The following POU2F1 variants were observed in gnomAD, a reference collection of about 807,000 sequenced individuals.
POU2F1 encodes POU domain, class 2, transcription factor 1.
POU2F1 carries 16 observed loss-of-function variants against 84.9 expected under a neutral mutation model. The observed-to-expected ratio is 0.19, with a 90% confidence interval of 0.13 to 0.29. The LOEUF (loss-of-function observed/expected upper bound fraction) is 0.29. Ranked by LOEUF, POU2F1 falls within the 10% of genes least tolerant of loss-of-function variation. POU2F1 has a pLI of 1.00. For missense variants in POU2F1, 738 were observed against 942.6 expected, an observed-to-expected ratio of 0.78 and a Z score of 2.84; for synonymous variants, 368 against 368.3, an observed-to-expected ratio of 1.00 and a Z score of 0.01.
chr1:167,305,946 ATTC>A (rs1655033272), intron 1 of POU2F1, among the ~76,000 whole-genome samples: 1 of 152,198 alleles, frequency 6.6e-6, no homozygotes, highest in Admixed American at 6.5e-5. Context: ...GTTCACATGT[ATTC>A]TTTTATTTTT....
chr1:167,290,662 T>C (rs1379370104), intron 1 of POU2F1, among the ~76,000 whole-genome samples: 2 of 152,230 alleles, frequency 1.3e-5, no homozygotes, highest in Non-Finnish European at 2.9e-5. Context: ...TGAGTGAATG[T>C]GTGAACATTT....
intron 1 of POU2F1, among the ~76,000 whole-genome samples, chr1:167,254,762 C>T (rs1651009681): frequency 1.3e-5 from 2 of 152,100 alleles, no homozygotes; most frequent in African/African-American, 4.8e-5. Flanking sequence ...ATCCCTCTAC[C>T]CCAGTGTCTT....
intron 1 of POU2F1, among the ~76,000 whole-genome samples, chr1:167,225,898 A>G (rs1648596767): frequency 6.6e-6 from 1 of 152,236 alleles, no homozygotes; most frequent in African/African-American, 2.4e-5. Flanking sequence ...ACCATTAAAA[A>G]TAATGTTGTG....
At chr1:167,281,476 A>G (rs1319628420) in intron 1 of POU2F1, among the ~76,000 whole-genome samples, 6 of 152,242 alleles carry the variant, frequency 3.9e-5, no homozygotes, top group South Asian at 2.1e-4. Flanking sequence ...CCTCCCAGCC[A>G]TAGTAGGCTC....
At chr1:167,324,856 C>T (rs969335887) in intron 1 of POU2F1, among the ~76,000 whole-genome samples, 5 of 152,072 alleles carry the variant, frequency 3.3e-5, no homozygotes, top group African/African-American at 1.2e-4. Flanking sequence ...ATAGACATTC[C>T]GTTAAGTTAT....
intron 1 of POU2F1, among the ~76,000 whole-genome samples, chr1:167,321,850 G>C (rs796161270): frequency 6.6e-5 from 10 of 152,190 alleles, no homozygotes; most frequent in African/African-American, 2.4e-4. Flanking sequence ...GACTTTGAGG[G>C]CTATATAATT....
chr1:167,307,549 T>C (rs1476537518), intron 1 of POU2F1, among the ~76,000 whole-genome samples: 2 of 151,724 alleles, frequency 1.3e-5, no homozygotes, highest in Non-Finnish European at 2.9e-5. Context: ...AATTTCAAAA[T>C]AATTTGAGAG....
At chr1:167,325,474 T>G (rs1375669418) in intron 1 of POU2F1, among the ~76,000 whole-genome samples, 1 of 152,212 alleles carries the variant, frequency 6.6e-6, no homozygotes, top group Non-Finnish European at 1.5e-5. Context: ...CGATCTCAGT[T>G]CACTCTCACA....
chr1:167,326,820 C>A (rs1413392895), intron 1 of POU2F1, among the ~76,000 whole-genome samples: 1 of 152,040 alleles, frequency 6.6e-6, no homozygotes, highest in Non-Finnish European at 1.5e-5. Context: ...TGCAAGTCAT[C>A]CTTAGCTAAT....
chr1:167,373,012 G>T (rs1660107456), intron 5 of POU2F1, among the ~76,000 whole-genome samples: 1 of 151,586 alleles, frequency 6.6e-6, no homozygotes, highest in Admixed American at 6.6e-5. Flanking sequence ...TTGCAAAATT[G>T]TTCACAAAAT....
At chr1:167,262,437 T>C (rs1393814932) in intron 1 of POU2F1, among the ~76,000 whole-genome samples, 1 of 152,230 alleles carries the variant, frequency 6.6e-6, no homozygotes, top group Non-Finnish European at 1.5e-5. Flanking sequence ...ATTTATTCAG[T>C]GTACTTTGTT....
At chr1:167,282,090 C>T (rs894956409) in intron 1 of POU2F1, among the ~76,000 whole-genome samples, 1 of 151,872 alleles carries the variant, frequency 6.6e-6, no homozygotes, top group South Asian at 2.1e-4. Flanking sequence ...TTCATACTTA[C>T]TCCCTCAAAT....
intron 1 of POU2F1, among the ~76,000 whole-genome samples, chr1:167,266,782 C>G (rs1651992258): frequency 6.6e-6 from 1 of 152,078 alleles, no homozygotes; most frequent in African/African-American, 2.4e-5. Flanking sequence ...TGCCACCACA[C>G]CCAGCTAATG....
At chr1:167,281,663 T>C (rs193140183) in intron 1 of POU2F1, among the ~76,000 whole-genome samples, 1 of 152,230 alleles carries the variant, frequency 6.6e-6, no homozygotes, top group African/African-American at 2.4e-5. Context: ...ACTCGGTGAT[T>C]GGCGTAGGTG....
chr1:167,322,107 T>C (rs914570911), intron 1 of POU2F1, among the ~76,000 whole-genome samples: 9 of 152,242 alleles, frequency 5.9e-5, no homozygotes, highest in African/African-American at 2.2e-4. Flanking sequence ...TCCATTCCTG[T>C]ATCTACCAAA....
At chr1:167,338,837 T>C (rs916276163) in intron 2 of POU2F1, among the ~76,000 whole-genome samples, 1 of 152,240 alleles carries the variant, frequency 6.6e-6, no homozygotes, top group Non-Finnish European at 1.5e-5. Flanking sequence ...TGGATTGTTT[T>C]TACTGTTTGG....
intron 1 of POU2F1, among the ~76,000 whole-genome samples, chr1:167,325,594 T>C (rs984048013): frequency 3.3e-5 from 5 of 152,112 alleles, no homozygotes; most frequent in Non-Finnish European, 5.9e-5. Context: ...AAAAATATTT[T>C]AATACTAGTA....
intron 11 of POU2F1, among the ~76,000 whole-genome samples, chr1:167,398,629 A>C (rs1011825144): frequency 1.3e-5 from 2 of 152,198 alleles, no homozygotes; most frequent in African/African-American, 4.8e-5. Context: ...TTAATGCAAG[A>C]GATATTTGGC....
chr1:167,291,419 C>T (rs915895222), intron 1 of POU2F1, among the ~76,000 whole-genome samples: 2 of 152,120 alleles, frequency 1.3e-5, no homozygotes, highest in Non-Finnish European at 2.9e-5. Flanking sequence ...AGGAAAAACC[C>T]TGGGAAAGGT....
Sources: gnomAD v4.1 joint callset for allele counts (sites outside exome capture counted in the v4.1 genomes callset) on GRCh38, gnomAD v4.1.1 for gene constraint, MANE v1.5 for transcripts, NCBI Gene and HGNC (gene_info 2026-07-23, HGNC 2026-07-21) for gene names.